Variants in IDUA observed in about 807,000 individuals in gnomAD.
The protein encoded by IDUA is iduronidase alpha-L-.
IDUA carries 65 observed loss-of-function variants against 68.9 expected under a neutral mutation model. That is an observed-to-expected ratio of 0.94 (90% confidence interval 0.77 to 1.16). IDUA has a LOEUF of 1.16. IDUA is among the 50% of genes most tolerant of loss of function. IDUA has a pLI of 0.00. For missense variants in IDUA, 1,046 were observed against 938.0 expected (o/e 1.12, Z -1.50); for synonymous variants, 529 against 433.6 (o/e 1.22, Z -2.73).
intron 2 of IDUA, chr4:993,300 C>G (rs1714513064): frequency 6.6e-6 from 1 of 152,290 alleles, no homozygotes; most frequent in South Asian, 2.1e-4. Flanking sequence ...ATGGTTCTTA[C>G]CTGAGGGAGT....
intron 10 of IDUA, 68 bp from the exon 11 acceptor site, chr4:1,003,277 C>A: frequency 7.4e-7 from 1 of 1,358,150 alleles, no homozygotes; most frequent in Non-Finnish European, 9.4e-7. Context: ...CGGGGGCGTT[C>A]GCCCTGAGGT....
intron 2 of IDUA, among the ~76,000 whole-genome samples, chr4:999,007 A>T (rs577157610): frequency 1.3e-3 from 205 of 152,184 alleles, no homozygotes; most frequent in African/African-American, 4.7e-3. Context: ...AATGGAAACC[A>T]TCCTGGCTAA....
In IDUA at chr4:1,000,712, C is replaced by T. The variant is rs779368782; in HGVS notation, c.385+15C>T. 1 of 1,597,312 alleles carries T rather than the reference C, an allele frequency of 6.3e-7. No individual in the cohort carries two copies. Among genetic ancestry groups the T allele is most frequent in the East Asian group, 2.2e-5 (1 of 44,798 alleles). On this transcript the variant is annotated intron_variant, in intron 3 of 13. Coordinates refer to ENST00000514224, the MANE Select transcript of IDUA (RefSeq NM_000203.5). ...GCTCCTCCCAGGTGAGCTGTGGGCT[C>T]TGCCCTCCCAGCCCGCCTGCACCCC...
In IDUA at chr4:987,240, C is replaced by G. The variant is rs1421520718; in HGVS notation, c.156C>G (p.Phe52Leu). The change falls in exon 1 of 14, where the codon TTC becomes TTG. Residue 52 changes from phenylalanine (F) to leucine (L), a missense_variant and splice_region_variant. Physicochemically the swap from Phe to Leu is conservative, Grantham distance 22 (BLOSUM62 0). Coordinates refer to ENST00000514224, the MANE Select transcript of IDUA (RefSeq NM_000203.5). The part of the protein sequence containing the change: ...PLRRFWRSTG[F>L]CPPLPHSQAD... ...GGCGCTTCTGGAGGAGCACAGGCTT[C>G]TGGTGAGCGCTCCGCGGCCTCCGGG... is the stretch of plus-strand genomic sequence containing the variant. 42 of 1,514,040 alleles carry G rather than the reference C, an allele frequency of 2.8e-5. No individual in the cohort carries two copies. The highest frequency in any genetic ancestry group is 3.6e-5 in the Non-Finnish European group (41 of 1,138,436). The allele number at this position is 1,514,040 out of a possible 1,614,324, so 93.8% of individuals were successfully genotyped here.
At chr4:988,630 T>C in intron 2 of IDUA, 3 of 1,377,264 alleles carry the variant, frequency 2.2e-6, no homozygotes, top group Non-Finnish European at 2.8e-6. Flanking sequence ...GCAGAGGTTC[T>C]TGATTTCTGA....
In IDUA at chr4:990,173, C is replaced by T. The variant is rs751905449; in HGVS notation, c.299+2224C>T. 26 of 1,559,962 alleles carry T rather than the reference C, an allele frequency of 1.7e-5. No homozygotes were observed. In the Middle Eastern group the frequency reaches 5.0e-4, roughly 30 times the overall value. On this transcript the variant is annotated intron_variant, in intron 2 of 13. Transcript: ENST00000514224. ...ACGTCGCACACGTTGGCCTGCCCGG[C>T]GCCGCGCAGCAGGCTCAGCCATGTG...
In IDUA at chr4:1,002,830, C is replaced by A; in HGVS notation, c.1288C>A (p.Pro430Thr). 1 of 1,454,974 alleles carries A rather than the reference C, an allele frequency of 6.9e-7. No homozygotes were observed. The highest frequency in any genetic ancestry group is 9.0e-7 in the Non-Finnish European group (1 of 1,109,898). The allele number at this position is 1,454,974 out of a possible 1,614,324, so 90.1% of individuals were successfully genotyped here. The change falls in exon 9 of 14, where the codon CCG becomes ACG. Residue 430 changes from proline (P) to threonine (T), a missense_variant. Pro to Thr is a conservative substitution (Grantham distance 38, BLOSUM62 -1). Coordinates refer to ENST00000514224, the MANE Select transcript of IDUA (RefSeq NM_000203.5). ...GGCCAGCGCCCACCGCCCCCAGGGC[C>A]CGGCCGACGCCTGGCGCGCCGCGGT... ...VLASAHRPQGPADAWRAAVLI... is the reference protein window; with the variant it reads ...VLASAHRPQGTADAWRAAVLI...
intron 12 of IDUA, 24 bp downstream of exon 12, chr4:1,003,649 C>T (rs774669082): frequency 4.3e-6 from 7 of 1,611,412 alleles, no homozygotes; most frequent in East Asian, 2.2e-5. Flanking sequence ...GCCGCCCCTC[C>T]CTCTGCCTGG....
chr4:991,702 A>G, intron 2 of IDUA: 1 of 1,536,938 alleles, frequency 6.5e-7, no homozygotes, highest in Non-Finnish European at 8.7e-7. Context: ...GGACTCGTCC[A>G]TCCTGTTGCG....
intron 2 of IDUA, chr4:988,158 G>C (rs969123791): frequency 7.1e-7 from 1 of 1,399,278 alleles, no homozygotes; most frequent in African/African-American, 1.5e-5. Context: ...GCTTCCTGCA[G>C]GTCTCCCTGC....
chr4:1,002,859 G>C lies in IDUA; in HGVS notation c.1317G>C (p.Leu439=), dbSNP rs1443464362. ...CCGACGCCTGGCGCGCCGCGGTGCT[G>C]ATCTACGCGAGCGACGACACCCGCG... The part of the protein sequence containing the change: ...GPADAWRAAV[L]IYASDDTRAH... The change falls in exon 9 of 14, where the codon CTG becomes CTC. Residue 439 remains leucine (L), a synonymous_variant. Coordinates refer to ENST00000514224, the MANE Select transcript of IDUA (RefSeq NM_000203.5). 1.4e-6 allele frequency: 2 copies of C among 1,450,834 alleles called. No individual in the cohort carries two copies. The highest frequency in any genetic ancestry group is 1.8e-6 in the Non-Finnish European group (2 of 1,108,524). The allele number at this position is 1,450,834 out of a possible 1,614,324, so 89.9% of individuals were successfully genotyped here. A position where few individuals can be genotyped will look rare whatever the true frequency, so the allele number is the denominator to read the frequency against.
At chr4:994,426 C>A (rs569081558) in intron 2 of IDUA, among the ~76,000 whole-genome samples, 1 of 151,724 alleles carries the variant, frequency 6.6e-6, no homozygotes, top group South Asian at 2.1e-4. Context: ...CAGGCGCCCG[C>A]CACCGCGCCC....
At chr4:1,001,650 G>C (rs1322940653) in intron 5 of IDUA, 29 bp from the exon 6 acceptor site, 1 of 1,605,340 alleles carries the variant, frequency 6.2e-7, no homozygotes, top group African/African-American at 1.3e-5. Flanking sequence ...CCCCAGGGCA[G>C]GTGTAGACGC....
chr4:988,115 T>C, intron 2 of IDUA, 166 bp downstream of exon 2: 8 of 1,421,848 alleles, frequency 5.6e-6, no homozygotes, highest in Middle Eastern at 2.6e-4. Context: ...GAGGGCTGTG[T>C]GCTGGAGGGA....
Position 1,002,848 on chromosome 4 carries a change from G to T in IDUA, c.1306G>T (p.Ala436Ser). The T allele has an allele frequency of 6.9e-7, 1 of 1,452,250 alleles. No homozygotes were observed. Among genetic ancestry groups the T allele is most frequent in the Non-Finnish European group, 9.0e-7 (1 of 1,108,848 alleles). 90.0% of individuals were successfully genotyped at this position (1,452,250 alleles called of 1,614,324 possible). ...RPQGPADAWR[A>S]AVLIYASDDT... ...CCAGGGCCCGGCCGACGCCTGGCGCGCCGCGGTGCTGATCTACGCGAGCGA... is the reference window on the plus strand; with the variant it reads ...CCAGGGCCCGGCCGACGCCTGGCGCTCCGCGGTGCTGATCTACGCGAGCGA... Residue 436 changes from alanine (A) to serine (S), a missense_variant, in exon 9 of 14, where the codon GCC (alanine) becomes TCC (serine). Ala to Ser is a moderately conservative substitution (Grantham distance 99, BLOSUM62 1). Coordinates refer to ENST00000514224, the MANE Select transcript of IDUA (RefSeq NM_000203.5).
At chr4:993,804 C>T (rs1336025947) in intron 2 of IDUA, among the ~76,000 whole-genome samples, 2 of 152,254 alleles carry the variant, frequency 1.3e-5, no homozygotes, top group Non-Finnish European at 2.9e-5. Flanking sequence ...AAGGAGCCAG[C>T]CTGGTCCAAG....
intron 2 of IDUA, chr4:988,268 GGCTGA>G: frequency 8.2e-7 from 1 of 1,220,288 alleles, no homozygotes; most frequent in Non-Finnish European, 1.0e-6. Context: ...TGCACCTGAG[GGCTGA>G]GCTGAGGTCT....
At position 991,958 on chromosome 4, in the gene IDUA, C is replaced by T. The variant is rs191485415; in HGVS notation, c.299+4009C>T. On this transcript the variant is annotated intron_variant, in intron 2 of 13. Transcript: ENST00000514224. ...ATCGTGAGGTGAGATGGGATTACGA[C>T]ACCAAGCCCATGCCATGGGGTGTGC... 14 of 797,516 alleles carry T rather than the reference C, an allele frequency of 1.8e-5. 1 individual carries two copies. The highest frequency in any genetic ancestry group is 2.2e-4 in the Middle Eastern group (1 of 4,540). 49.4% of individuals were successfully genotyped at this position (797,516 alleles called of 1,614,324 possible). A position where few individuals can be genotyped will look rare whatever the true frequency, so the allele number is the denominator to read the frequency against.
rs372004213 is a variant in IDUA, at chr4:991,642, C to T, written c.299+3693C>T. On this transcript the variant is annotated intron_variant, in intron 2 of 13. Transcript: ENST00000514224. ...CTCACGCAGACCCCGGGGTGCTGGGCGCTGCCGTCGGACCGGCACCGGCCC... is the reference window on the plus strand; with the variant it reads ...CTCACGCAGACCCCGGGGTGCTGGGTGCTGCCGTCGGACCGGCACCGGCCC... The T allele has an allele frequency of 4.0e-5, 63 of 1,556,362 alleles. No homozygotes were observed. The highest frequency in any genetic ancestry group is 1.7e-4 in the Middle Eastern group (1 of 5,880).
Sources: gnomAD v4.1 joint callset for allele counts (sites outside exome capture counted in the v4.1 genomes callset) on GRCh38, gnomAD v4.1.1 for gene constraint, MANE v1.5 for transcripts, NCBI Gene and HGNC (gene_info 2026-07-23, HGNC 2026-07-21) for gene names.